NOVA1: variants seen among roughly 807,000 people sequenced by gnomAD.
The protein encoded by NOVA1 is NOVA alternative splicing regulator 1, also known as RNA-binding protein Nova-1.
Under a neutral mutation model 38.0 loss-of-function variants are expected in NOVA1, and 7 were observed. That is an observed-to-expected ratio of 0.18 (90% CI 0.10 to 0.35). The LOEUF (loss-of-function observed/expected upper bound fraction) is 0.35, where lower values mean the gene tolerates loss of function less well. Among genes scored for constraint, NOVA1 ranks in the 10% least tolerant of loss-of-function variants. The pLI, the probability that NOVA1 is intolerant of heterozygous loss-of-function variation, is 1.00. For synonymous variants in NOVA1, 270 were observed against 232.5 expected, an observed-to-expected ratio of 1.16 and a Z score of -1.47; for missense variants, 460 against 616.0, an observed-to-expected ratio of 0.75 and a Z score of 2.68.
chr14:26,592,567 C>T (rs2138817143), intron 2 of NOVA1, among the ~76,000 whole-genome samples: 1 of 151,546 alleles, frequency 6.6e-6, no homozygotes, highest in African/African-American at 2.4e-5. Flanking sequence ...AATTCCTCAT[C>T]ACACAATTTT....
intron 2 of NOVA1, among the ~76,000 whole-genome samples, chr14:26,496,276 T>C (rs1834503244): frequency 6.6e-6 from 1 of 152,232 alleles, no homozygotes; most frequent in Non-Finnish European, 1.5e-5. Flanking sequence ...CATGTGTTTT[T>C]TGGCTGCATA....
intron 2 of NOVA1, among the ~76,000 whole-genome samples, chr14:26,548,339 G>A (rs1197203318): frequency 6.6e-6 from 1 of 151,914 alleles, no homozygotes; most frequent in Non-Finnish European, 1.5e-5. Context: ...GTAGAATGAA[G>A]TTATTTTTTA....
intron 2 of NOVA1, among the ~76,000 whole-genome samples, chr14:26,576,599 CTG>C (rs1234022186): frequency 1.3e-5 from 2 of 151,310 alleles, no homozygotes; most frequent in Admixed American, 6.6e-5. Flanking sequence ...ATGTGTGTGT[CTG>C]TGTGTGTGTA....
chr14:26,564,834 G>A (rs970672827), intron 2 of NOVA1, among the ~76,000 whole-genome samples: 2 of 152,098 alleles, frequency 1.3e-5, no homozygotes, highest in African/African-American at 4.8e-5. Context: ...GTCTCATTTA[G>A]TGTTTCTGTG....
rs1200412725 is a variant in NOVA1, at chr14:26,479,988, G to A, written c.436C>T (p.Arg146Cys). 1.9e-6 allele frequency: 3 copies of A among 1,613,580 alleles called. No homozygotes were observed. Among genetic ancestry groups the A allele is most frequent in the Non-Finnish European group, 2.5e-6 (3 of 1,179,850 alleles). The change falls in exon 3 of 5, where the codon CGC becomes TGC. Residue 146 changes from arginine to cysteine, a missense_variant. Coordinates refer to ENST00000539517, the MANE Select transcript of NOVA1 (RefSeq NM_002515.3). Reference protein sequence around the residue: ...LQPQTTVNPDRIKQTLPSSPT... With the variant: ...LQPQTTVNPDCIKQTLPSSPT... Reference sequence around the variant, plus strand: ...AACTAAACACTCACTTGTTTGATGCGATCTGGATTAACGGTGGTCTGGGGT... The same window carrying A: ...AACTAAACACTCACTTGTTTGATGCAATCTGGATTAACGGTGGTCTGGGGT...
rs375322263 is a variant in NOVA1 at position 26,595,575 on chromosome 14, A to T, written c.137-22T>A. ...TCTTCTGAAAAATGCAAAGAAATAT[A>T]CTCGGTTAACACAGTATTTCAAACT... On this transcript the variant is annotated intron_variant, in intron 1 of 4. Transcript: ENST00000539517. 10 of 1,608,620 alleles carry T rather than the reference A, an allele frequency of 6.2e-6. No individual in the cohort carries two copies. The African/African-American group carries it at 1.3e-4, about 22-fold the overall frequency.
At chr14:26,486,156 A>T (rs1885868998) in intron 2 of NOVA1, among the ~76,000 whole-genome samples, 1 of 152,162 alleles carries the variant, frequency 6.6e-6, no homozygotes, top group Non-Finnish European at 1.5e-5. Context: ...AATATCTTGC[A>T]ATATATATTT....
intron 4 of NOVA1, among the ~76,000 whole-genome samples, chr14:26,456,918 G>C (rs1174837504): frequency 6.6e-6 from 1 of 151,232 alleles, no homozygotes; most frequent in African/African-American, 2.4e-5. Flanking sequence ...GTAGAAAATA[G>C]CAATGCAAAG....
chr14:26,575,337 T>C (rs761681453), intron 2 of NOVA1, among the ~76,000 whole-genome samples: 1 of 152,174 alleles, frequency 6.6e-6, no homozygotes, highest in East Asian at 1.9e-4. Context: ...CTATCAGTTA[T>C]GTGAAAATAT....
At chr14:26,527,041 G>A (rs960410279) in intron 2 of NOVA1, among the ~76,000 whole-genome samples, 33 of 100,746 alleles carry the variant, frequency 3.3e-4, no homozygotes, top group African/African-American at 1.2e-3. Flanking sequence ...CTAAGGTAAA[G>A]TCCAATGAGG....
intron 2 of NOVA1, among the ~76,000 whole-genome samples, chr14:26,508,340 A>T (rs553125907): frequency 1.3e-4 from 20 of 152,136 alleles, no homozygotes; most frequent in Middle Eastern, 3.4e-3. Context: ...GAAAAGTGAA[A>T]GAGTAAGTAT....
At chr14:26,462,714 G>C (rs962878219) in intron 4 of NOVA1, among the ~76,000 whole-genome samples, 26 of 152,102 alleles carry the variant, frequency 1.7e-4, no homozygotes, top group Admixed American at 1.7e-3. Flanking sequence ...CCTCTCCCCA[G>C]TGAGTCTTCT....
chr14:26,508,770 C>T (rs1887833883), intron 2 of NOVA1, among the ~76,000 whole-genome samples: 1 of 150,900 alleles, frequency 6.6e-6, no homozygotes, highest in East Asian at 1.9e-4. Flanking sequence ...CAGAAGAACC[C>T]TAAAAATTTA....
At chr14:26,596,105 G>A in intron 1 of NOVA1, 1 of 235,622 alleles carries the variant, frequency 4.2e-6, no homozygotes, top group Non-Finnish European at 8.5e-6. Flanking sequence ...CCAAACTGTG[G>A]GGTGTATTCC....
At chr14:26,457,139 G>A (rs928957288) in intron 4 of NOVA1, among the ~76,000 whole-genome samples, 3 of 151,944 alleles carry the variant, frequency 2.0e-5, no homozygotes, top group African/African-American at 7.2e-5. Context: ...AAAGGAAATG[G>A]AACAATTGTC....
At chr14:26,564,615 C>T (rs1892024251) in intron 2 of NOVA1, among the ~76,000 whole-genome samples, 1 of 152,140 alleles carries the variant, frequency 6.6e-6, no homozygotes, top group Non-Finnish European at 1.5e-5. Context: ...TTAACATATC[C>T]ATTTTTATAT....
intron 2 of NOVA1, among the ~76,000 whole-genome samples, chr14:26,506,354 G>A (rs971615894): frequency 6.6e-6 from 1 of 152,196 alleles, no homozygotes; most frequent in Non-Finnish European, 1.5e-5. Context: ...TTAATAAAGA[G>A]AAGTAAATTC....
chr14:26,563,344 A>C, intron 2 of NOVA1, among the ~76,000 whole-genome samples: 1 of 151,212 alleles, frequency 6.6e-6, no homozygotes, highest in East Asian at 1.9e-4. Context: ...AAAAAACAGT[A>C]ATAATGGGGG....
intron 3 of NOVA1, among the ~76,000 whole-genome samples, chr14:26,478,701 A>G (rs1885191968): frequency 1.3e-5 from 2 of 151,994 alleles, no homozygotes; most frequent in African/African-American, 4.8e-5. Context: ...CTGATTTTAC[A>G]GCTTTAAAAT....
Sources: allele counts gnomAD v4.1 joint callset (sites outside exome capture counted in the v4.1 genomes callset), GRCh38; gene constraint gnomAD v4.1.1; transcripts MANE v1.5; gene names NCBI Gene and HGNC (gene_info 2026-07-23, HGNC 2026-07-21).